The following ADAMTS17 variants were observed in gnomAD, a reference collection of about 807,000 sequenced individuals.
ADAMTS17 encodes the protein A disintegrin and metalloproteinase with thrombospondin motifs 17.
A neutral mutation model predicts 141.5 loss-of-function variants in ADAMTS17; 113 were observed. The observed-to-expected ratio is 0.80, with a 90% CI of 0.69 to 0.93. The LOEUF is 0.93. Among genes scored for constraint, ADAMTS17 ranks in the 40% least tolerant of loss-of-function variants. ADAMTS17 has a pLI of 0.00. For synonymous variants in ADAMTS17, 768 were observed against 630.6 expected, an observed-to-expected ratio of 1.22 and a Z score of -3.27; for missense variants, 1,659 against 1,517.9, an observed-to-expected ratio of 1.09 and a Z score of -1.54.
At chr15:100,003,659 A>C (rs2060975189) in intron 18 of ADAMTS17, among the ~76,000 whole-genome samples, 1 of 152,170 alleles carries the variant, frequency 6.6e-6, no homozygotes, top group African/African-American at 2.4e-5. Context: ...AGGATGAATA[A>C]AGTGTAGTAT....
chr15:100,177,332 T>C, intron 8 of ADAMTS17, among the ~76,000 whole-genome samples: 1 of 152,258 alleles, frequency 6.6e-6, no homozygotes, highest in East Asian at 1.9e-4. Flanking sequence ...CCCACAAATT[T>C]TGATAAAATG....
At chr15:100,063,896 G>A (rs1033680421) in intron 15 of ADAMTS17, 2 of 515,584 alleles carry the variant, frequency 3.9e-6, no homozygotes, top group African/African-American at 2.0e-5. Flanking sequence ...AGAAGAAGGA[G>A]GCTCTCCTAA....
At chr15:100,285,485 C>T (rs75338491) in intron 3 of ADAMTS17, among the ~76,000 whole-genome samples, 15,343 of 152,206 alleles carry the variant, frequency 0.1, 836 homozygotes, top group East Asian at 0.12. Context: ...AAAAACAATA[C>T]GTAGATCAAA....
intron 4 of ADAMTS17, among the ~76,000 whole-genome samples, chr15:100,270,504 TA>T (rs1567462970): frequency 6.6e-6 from 1 of 152,064 alleles, no homozygotes; most frequent in Non-Finnish European, 1.5e-5. Flanking sequence ...GCCTAGGAAT[TA>T]AAAAAGTAAA....
intron 15 of ADAMTS17, among the ~76,000 whole-genome samples, chr15:100,091,832 GT>G (rs2035489148): frequency 1.3e-5 from 2 of 152,070 alleles, no homozygotes; most frequent in South Asian, 4.1e-4. Context: ...AGAGGCATTT[GT>G]TTTATTTTTC....
intron 15 of ADAMTS17, among the ~76,000 whole-genome samples, chr15:100,062,633 CA>C: frequency 6.6e-6 from 1 of 152,196 alleles, no homozygotes; most frequent in East Asian, 1.9e-4. Context: ...TTTAAAAAAT[CA>C]GTGATAAAAA....
chr15:100,259,313 A>G (rs1037977768), intron 6 of ADAMTS17, among the ~76,000 whole-genome samples: 2 of 151,960 alleles, frequency 1.3e-5, no homozygotes. Context: ...AATCGAATCC[A>G]CTCTCAAATC....
At chr15:100,142,623 G>C (rs1019074931) in intron 10 of ADAMTS17, among the ~76,000 whole-genome samples, 3 of 152,184 alleles carry the variant, frequency 2.0e-5, no homozygotes, top group Non-Finnish European at 4.4e-5. Flanking sequence ...TTGCAGATGA[G>C]AAGACTGAGA....
chr15:100,083,436 A>C lies in ADAMTS17; in HGVS notation c.2137+12920T>G, dbSNP rs185098570. ...CCATCCATAGAGGAACTTCCACCTG[A>C]GATGTCCTTCTTCTCCCTAAACCTT... On this transcript the variant is annotated intron_variant, in intron 15 of 21. Coordinates refer to ENST00000268070, the MANE Select transcript of ADAMTS17 (RefSeq NM_139057.4). Among the ~76,000 whole-genome samples, 386 of 152,286 alleles carry C rather than the reference A, an allele frequency of 2.5e-3. 2 individuals carry two copies. The highest frequency in any genetic ancestry group is 8.8e-3 in the African/African-American group (366 of 41,548).
intron 10 of ADAMTS17, among the ~76,000 whole-genome samples, chr15:100,141,291 C>T (rs963661925): frequency 1.3e-5 from 2 of 152,166 alleles, no homozygotes; most frequent in East Asian, 1.9e-4. Context: ...CACGAGCCTT[C>T]GCCACTTTTC....
chr15:100,101,056 G>T (rs1003578284), intron 14 of ADAMTS17, among the ~76,000 whole-genome samples: 1 of 152,098 alleles, frequency 6.6e-6, no homozygotes, highest in African/African-American at 2.4e-5. Flanking sequence ...CATCAATTCT[G>T]CCTGGGCCCT....
intron 7 of ADAMTS17, among the ~76,000 whole-genome samples, chr15:100,230,555 G>A (rs554895097): frequency 6.5e-4 from 99 of 152,318 alleles, no homozygotes; most frequent in South Asian, 1.9e-3. Context: ...CATCATAGCC[G>A]AAAAGTTCCT....
At chr15:100,215,465 C>T (rs2041942041) in intron 7 of ADAMTS17, among the ~76,000 whole-genome samples, 1 of 152,106 alleles carries the variant, frequency 6.6e-6, no homozygotes, top group African/African-American at 2.4e-5. Flanking sequence ...GACCGATTCT[C>T]CTTCATTATC....
intron 4 of ADAMTS17, among the ~76,000 whole-genome samples, chr15:100,267,555 G>T (rs576913995): frequency 1.3e-5 from 2 of 152,164 alleles, no homozygotes; most frequent in South Asian, 2.1e-4. Context: ...AGATTCAGGG[G>T]TATGTGTGCA....
chr15:100,071,142 A>G (rs2033941068), intron 15 of ADAMTS17, among the ~76,000 whole-genome samples: 1 of 150,586 alleles, frequency 6.6e-6, no homozygotes, highest in South Asian at 2.1e-4. Flanking sequence ...GAAAATCTAG[A>G]AGAAATGGAT....
intron 4 of ADAMTS17, among the ~76,000 whole-genome samples, chr15:100,275,719 G>A (rs2044058029): frequency 6.6e-6 from 1 of 152,026 alleles, no homozygotes. Context: ...CAGTAAGGTG[G>A]AAGCACTTTG....
rs1567534105 is a variant in ADAMTS17 at position 100,321,242 on chromosome 15, A to T, written c.616+9647T>A. Among the ~76,000 whole-genome samples, 3 of 152,130 alleles carry T rather than the reference A, an allele frequency of 2.0e-5. No homozygotes were observed. In the South Asian group the frequency reaches 6.2e-4, roughly 32 times the overall value. ...ACACCAGTGGAAGAGAGAAGGGGAAATTTTTTTTAAAAGTTGGTCAAGCCA... is the reference window on the plus strand; with the variant it reads ...ACACCAGTGGAAGAGAGAAGGGGAATTTTTTTTTAAAAGTTGGTCAAGCCA... On this transcript the variant is annotated intron_variant, in intron 3 of 21. Coordinates refer to ENST00000268070, the MANE Select transcript of ADAMTS17 (RefSeq NM_139057.4).
chr15:100,022,060 C>T (rs1271180643), intron 18 of ADAMTS17, among the ~76,000 whole-genome samples: 1 of 152,166 alleles, frequency 6.6e-6, no homozygotes, highest in African/African-American at 2.4e-5. Flanking sequence ...AGTTCGGGCT[C>T]CCAGGCTAAG....
chr15:100,166,051 G>C (rs976925775), intron 8 of ADAMTS17, among the ~76,000 whole-genome samples: 4 of 152,164 alleles, frequency 2.6e-5, no homozygotes, highest in Admixed American at 2.0e-4. Flanking sequence ...TTTGAGTCTT[G>C]CCATCTTAGG....
Sources: gnomAD v4.1 joint callset for allele counts (sites outside exome capture counted in the v4.1 genomes callset) on GRCh38, gnomAD v4.1.1 for gene constraint, MANE v1.5 for transcripts, NCBI Gene and HGNC (gene_info 2026-07-23, HGNC 2026-07-21) for gene names.